Variants in ITPR2 observed in about 807,000 individuals in gnomAD.
ITPR2 encodes the protein inositol 1,4,5-trisphosphate-gated calcium channel ITPR2.
A neutral mutation model predicts 317.1 loss-of-function variants in ITPR2; 207 were observed. The ratio of observed to expected loss-of-function variants is 0.65; its 90% CI spans 0.58 to 0.73. The LOEUF (loss-of-function observed/expected upper bound fraction) is 0.73. Ranked by LOEUF, ITPR2 falls within the 30% of genes least tolerant of loss-of-function variation. ITPR2 has a pLI of 0.00. For synonymous variants in ITPR2, 1,156 were observed against 1,149.1 expected, an observed-to-expected ratio of 1.01 and a Z score of -0.12; for missense variants, 2,613 against 3,284.0, an observed-to-expected ratio of 0.80 and a Z score of 4.99.
At chr12:26,832,172 G>C (rs1414952479) in intron 1 of ITPR2, among the ~76,000 whole-genome samples, 2 of 152,112 alleles carry the variant, frequency 1.3e-5, no homozygotes, top group South Asian at 2.1e-4. Flanking sequence ...CAGCGAAGAG[G>C]GGACGGTGAG....
At chr12:26,359,764 C>T (rs562106056) in intron 55 of ITPR2, among the ~76,000 whole-genome samples, 1 of 151,962 alleles carries the variant, frequency 6.6e-6, no homozygotes, top group African/African-American at 2.4e-5. Context: ...ATGATGACAT[C>T]CCCAGAGTTA....
chr12:26,400,479 A>G (rs1940140110), intron 52 of ITPR2, among the ~76,000 whole-genome samples: 1 of 152,208 alleles, frequency 6.6e-6, no homozygotes, highest in Admixed American at 6.5e-5. Context: ...TAAAAAGTGT[A>G]GCAAACTTAC....
intron 42 of ITPR2, among the ~76,000 whole-genome samples, chr12:26,482,808 C>T (rs1043136491): frequency 1.3e-5 from 2 of 152,226 alleles, no homozygotes; most frequent in African/African-American, 2.4e-5. Flanking sequence ...TGTATGTGTG[C>T]GTATCTCATG....
intron 37 of ITPR2, 73 bp from the exon 38 acceptor site, chr12:26,495,333 C>CA: frequency 2.6e-6 from 2 of 780,084 alleles, no homozygotes; most frequent in Non-Finnish European, 4.2e-6. Flanking sequence ...ATGTTAAATG[C>CA]TTTAAATGCA....
chr12:26,677,028 T>A (rs11048645), intron 13 of ITPR2, among the ~76,000 whole-genome samples: 84,164 of 151,796 alleles, frequency 0.55, 23,615 homozygotes, highest in East Asian at 0.66. Flanking sequence ...AGGGGGAAAA[T>A]AATAGTAACT....
chr12:26,772,491 C>CATGTATCATATATATAATAT (rs3064583), intron 2 of ITPR2, among the ~76,000 whole-genome samples: 1 of 100,506 alleles, frequency 9.9e-6, no homozygotes, highest in Non-Finnish European at 2.1e-5. Context: ...ATATATAATA[C>CATGTATCATATATATAATAT]ATATAATACA....
chr12:26,646,582 C>G (rs1029257740), intron 21 of ITPR2, among the ~76,000 whole-genome samples: 3 of 152,166 alleles, frequency 2.0e-5, no homozygotes, highest in African/African-American at 7.2e-5. Flanking sequence ...CAAAGCACAT[C>G]TCACTACCCT....
chr12:26,579,255 A>C (rs988008291), intron 33 of ITPR2, among the ~76,000 whole-genome samples: 2 of 152,148 alleles, frequency 1.3e-5, no homozygotes, highest in Admixed American at 1.3e-4. Flanking sequence ...GTTCTATCTA[A>C]TAGTTTAAAA....
At chr12:26,701,250 G>A (rs1270010424) in intron 9 of ITPR2, among the ~76,000 whole-genome samples, 1 of 152,098 alleles carries the variant, frequency 6.6e-6, no homozygotes, top group East Asian at 1.9e-4. Flanking sequence ...AAAGCAAGAA[G>A]CAGACCGTAA....
chr12:26,709,964 C>G (rs1216321537), intron 9 of ITPR2, among the ~76,000 whole-genome samples: 1 of 152,172 alleles, frequency 6.6e-6, no homozygotes, highest in East Asian at 1.9e-4. Flanking sequence ...TTAGGCAGGG[C>G]ACAGTGGCTC....
At chr12:26,487,555 T>C (rs1295397903) in intron 39 of ITPR2, among the ~76,000 whole-genome samples, 1 of 152,206 alleles carries the variant, frequency 6.6e-6, no homozygotes, top group Non-Finnish European at 1.5e-5. Flanking sequence ...ATGGAAAGAA[T>C]TCTTTGATTT....
At chr12:26,536,785 G>T (rs535519637) in intron 37 of ITPR2, among the ~76,000 whole-genome samples, 39 of 152,348 alleles carry the variant, frequency 2.6e-4, no homozygotes, top group African/African-American at 7.9e-4. Context: ...AGTGCTGAGG[G>T]CCAAGATCAA....
At chr12:26,744,115 C>A (rs1949279759) in intron 2 of ITPR2, among the ~76,000 whole-genome samples, 1 of 152,232 alleles carries the variant, frequency 6.6e-6, no homozygotes, top group Admixed American at 6.5e-5. Context: ...GCCTGTTAAA[C>A]AGAAGTCAGG....
chr12:26,516,245 A>AGGAAAGGAAAGGAAGGGAAG (rs1943492903), intron 37 of ITPR2, among the ~76,000 whole-genome samples: 3 of 29,024 alleles, frequency 1.0e-4, no homozygotes, highest in Non-Finnish European at 1.8e-4. Context: ...AGGAAAGGAA[A>AGGAAAGGAAAGGAAGGGAAG]GGAAAGGAAA....
In ITPR2 at chr12:26,656,503, A is replaced by T. The variant is rs1947370915; in HGVS notation, c.2238T>A (p.Tyr746Ter). 1 of 1,614,182 alleles carries T rather than the reference A, an allele frequency of 6.2e-7. No individual in the cohort carries two copies. Among genetic ancestry groups the T allele is most frequent in the Non-Finnish European group, 8.5e-7 (1 of 1,180,006 alleles). The change falls in exon 19 of 57, where the codon TAT (tyrosine) becomes TAA (stop). Residue 746 changes from tyrosine to a stop codon, truncating the protein, a stop_gained. Transcript: ENST00000381340. LOFTEE classifies it high-confidence loss of function. ...LFARMCLDRQ[Y>*]LAINQISTQL... is the part of the protein sequence containing the mutation. ...GTGTAGAAATCTGGTTTATGGCCAG[A>T]TACTGGCGATCCAAGCACATCCTTG... is the stretch of plus-strand genomic sequence containing the variant.
In ITPR2 at chr12:26,737,561, A is replaced by G. The variant is rs575573787; in HGVS notation, c.164-11796T>C. ...AGCCACCGCACCTGGCCTACCTTCT[A>G]TTTTTCAATGGAAACTGTGGTGGAG... On this transcript the variant is annotated intron_variant, in intron 2 of 56. Transcript: ENST00000381340. 3.2e-4 allele frequency among the ~76,000 whole-genome samples: 49 copies of G among 152,052 alleles called. 1 individual carries two copies. The highest frequency in any genetic ancestry group is 1.1e-3 in the African/African-American group (44 of 41,468).
At chr12:26,708,173 T>G (rs556572670) in intron 9 of ITPR2, among the ~76,000 whole-genome samples, 1 of 152,212 alleles carries the variant, frequency 6.6e-6, no homozygotes, top group Admixed American at 6.5e-5. Context: ...GCAGCCACTA[T>G]AGAGAACAGT....
At chr12:26,460,994 C>T (rs1037997006) in intron 45 of ITPR2, among the ~76,000 whole-genome samples, 1 of 152,172 alleles carries the variant, frequency 6.6e-6, no homozygotes, top group South Asian at 2.1e-4. Context: ...TATCCTGAAT[C>T]CACTGAATGA....
intron 10 of ITPR2, among the ~76,000 whole-genome samples, chr12:26,689,479 GGGAA>G (rs1948192896): frequency 6.6e-6 from 1 of 151,900 alleles, no homozygotes. Flanking sequence ...GGGAAAGAAA[GGGAA>G]GGAAGGGAGG....
Sources: allele counts gnomAD v4.1 joint callset (sites outside exome capture counted in the v4.1 genomes callset), GRCh38; gene constraint gnomAD v4.1.1; transcripts MANE v1.5; gene names NCBI Gene and HGNC (gene_info 2026-07-23, HGNC 2026-07-21).